RNGTT: variants seen among roughly 807,000 people sequenced by gnomAD.
RNGTT encodes the protein mRNA-capping enzyme.
In RNGTT, 33 loss-of-function variants were observed where a neutral mutation model predicts 79.3. That is an observed-to-expected ratio of 0.42 (90% confidence interval 0.32 to 0.56). The LOEUF (loss-of-function observed/expected upper bound fraction) is 0.56, where lower values mean the gene tolerates loss of function less well. RNGTT is among the 20% of genes least tolerant of loss of function. The pLI, the probability that RNGTT is intolerant of heterozygous loss-of-function variation, is 0.17. For missense variants in RNGTT, 497 were observed against 739.1 expected, an observed-to-expected ratio of 0.67 and a Z score of 3.80; for synonymous variants, 222 against 235.9, an observed-to-expected ratio of 0.94 and a Z score of 0.54.
chr6:88,645,912 C>T (rs1773531992), intron 14 of RNGTT, among the ~76,000 whole-genome samples: 1 of 152,148 alleles, frequency 6.6e-6, no homozygotes, highest in African/African-American at 2.4e-5. Context: ...AGAAGAAAAC[C>T]TAGGCATTGC....
At chr6:88,916,641 T>C (rs982232207) in intron 4 of RNGTT, among the ~76,000 whole-genome samples, 2 of 152,248 alleles carry the variant, frequency 1.3e-5, no homozygotes, top group African/African-American at 4.8e-5. Context: ...AATATGGCCT[T>C]GTTCTCAGCA....
intron 14 of RNGTT, among the ~76,000 whole-genome samples, chr6:88,660,574 A>G (rs1774146243): frequency 6.7e-6 from 1 of 149,540 alleles, no homozygotes; most frequent in Non-Finnish European, 1.5e-5. Context: ...AAAAGGAGAG[A>G]CATTATACAA....
intron 11 of RNGTT, among the ~76,000 whole-genome samples, chr6:88,834,340 C>T (rs1277531541): frequency 6.6e-6 from 1 of 152,118 alleles, no homozygotes; most frequent in Non-Finnish European, 1.5e-5. Flanking sequence ...TCTTAAATTT[C>T]CCTCTGAAAT....
At chr6:88,785,491 G>GA (rs886533111) in intron 12 of RNGTT, among the ~76,000 whole-genome samples, 8 of 149,930 alleles carry the variant, frequency 5.3e-5, no homozygotes, top group Non-Finnish European at 4.5e-5. Flanking sequence ...GATGAACAAG[G>GA]AAAAAAAAAT....
chr6:88,917,320 TA>T (rs1784031077), intron 4 of RNGTT, among the ~76,000 whole-genome samples: 1 of 152,012 alleles, frequency 6.6e-6, no homozygotes, highest in Non-Finnish European at 1.5e-5. Flanking sequence ...CAACTCTCAA[TA>T]AAAAAGGATA....
chr6:88,834,633 T>C (rs1781001306), intron 11 of RNGTT, among the ~76,000 whole-genome samples: 1 of 152,204 alleles, frequency 6.6e-6, no homozygotes, highest in African/African-American at 2.4e-5. Flanking sequence ...ACAGTTGCCA[T>C]AACAAACTCT....
intron 12 of RNGTT, among the ~76,000 whole-genome samples, chr6:88,770,320 C>T (rs979453523): frequency 6.6e-6 from 1 of 152,192 alleles, no homozygotes; most frequent in Admixed American, 6.5e-5. Context: ...CATTTGCAGT[C>T]AATTCCCTCC....
At chr6:88,913,209 A>C (rs183155976) in intron 4 of RNGTT, among the ~76,000 whole-genome samples, 94 of 133,420 alleles carry the variant, frequency 7.0e-4, no homozygotes, top group African/African-American at 3.2e-3. Context: ...TGTCTCAAAA[A>C]AAAACAAAAA....
At chr6:88,867,763 A>T (rs1782222233) in intron 8 of RNGTT, among the ~76,000 whole-genome samples, 1 of 152,200 alleles carries the variant, frequency 6.6e-6, no homozygotes, top group African/African-American at 2.4e-5. Context: ...TAATTTTCAC[A>T]TTTTATATTA....
chr6:88,817,566 G>A (rs1444582594), intron 11 of RNGTT, among the ~76,000 whole-genome samples: 4 of 146,964 alleles, frequency 2.7e-5, no homozygotes, highest in African/African-American at 7.6e-5. Flanking sequence ...CAACACATAC[G>A]TGTACACACA....
At position 88,702,463 on chromosome 6, in the gene RNGTT, G is replaced by A. The variant is rs568308977; in HGVS notation, c.1440-24044C>T. Among the ~76,000 whole-genome samples, 4 of 152,198 alleles carry A rather than the reference G, an allele frequency of 2.6e-5. No homozygotes were observed. The South Asian group carries it at 8.3e-4, about 32-fold the overall frequency. ...TGACAAAAATAAGCAATGAGGAAAG[G>A]ACTCCCTATTCAATATATTGTCCTG... On this transcript the variant is annotated intron_variant, in intron 13 of 15. Coordinates refer to ENST00000369485, the MANE Select transcript of RNGTT (RefSeq NM_003800.5).
At chr6:88,707,421 G>C (rs572534251) in intron 13 of RNGTT, among the ~76,000 whole-genome samples, 2 of 152,042 alleles carry the variant, frequency 1.3e-5, no homozygotes, top group Non-Finnish European at 2.9e-5. Flanking sequence ...GGGCGGGGGA[G>C]GGAGTATACA....
intron 12 of RNGTT, among the ~76,000 whole-genome samples, chr6:88,793,856 A>G (rs1412436505): frequency 6.6e-6 from 1 of 152,236 alleles, no homozygotes; most frequent in Admixed American, 6.5e-5. Flanking sequence ...GTCATGTAAT[A>G]GTCATACTAT....
intron 13 of RNGTT, among the ~76,000 whole-genome samples, chr6:88,713,502 C>A (rs1776389732): frequency 6.6e-6 from 1 of 152,150 alleles, no homozygotes; most frequent in Admixed American, 6.5e-5. Flanking sequence ...AATTATTTCA[C>A]ACAACAGTAT....
chr6:88,919,841 C>T (rs967321366), intron 4 of RNGTT, among the ~76,000 whole-genome samples: 11 of 151,224 alleles, frequency 7.3e-5, no homozygotes, highest in African/African-American at 2.4e-4. Flanking sequence ...CAGGCATGCG[C>T]CACCACGCCT....
intron 12 of RNGTT, among the ~76,000 whole-genome samples, chr6:88,773,294 G>A (rs2127845072): frequency 7.2e-6 from 1 of 139,328 alleles, no homozygotes; most frequent in African/African-American, 2.6e-5. Context: ...CACAGGAAGG[G>A]GAACATCACA....
intron 2 of RNGTT, among the ~76,000 whole-genome samples, chr6:88,934,575 T>C (rs112331886): frequency 4.6e-5 from 7 of 152,356 alleles, no homozygotes; most frequent in African/African-American, 1.7e-4. Flanking sequence ...AAGAATAGTT[T>C]GCAAATATAT....
intron 11 of RNGTT, among the ~76,000 whole-genome samples, chr6:88,837,398 AAACAAC>A (rs756405861): frequency 6.6e-6 from 1 of 152,150 alleles, no homozygotes; most frequent in Non-Finnish European, 1.5e-5. Context: ...CCCTGTCTTA[AAACAAC>A]AACAACAACA....
intron 11 of RNGTT, among the ~76,000 whole-genome samples, chr6:88,821,780 A>T (rs1780503502): frequency 1.3e-5 from 2 of 151,986 alleles, no homozygotes; most frequent in African/African-American, 4.8e-5. Context: ...GACAAAATGT[A>T]ATAGCACTGA....
Sources: allele counts gnomAD v4.1 joint callset (sites outside exome capture counted in the v4.1 genomes callset), GRCh38; gene constraint gnomAD v4.1.1; transcripts MANE v1.5; gene names NCBI Gene and HGNC (gene_info 2026-07-23, HGNC 2026-07-21).